The following NRXN3 variants were observed in gnomAD, a reference collection of about 807,000 sequenced individuals.
NRXN3 encodes neurexin 3.
NRXN3 carries 32 observed loss-of-function variants against 137.6 expected under a neutral mutation model. The ratio of observed to expected loss-of-function variants is 0.23; its 90% CI spans 0.18 to 0.31. The LOEUF (loss-of-function observed/expected upper bound fraction) is 0.31, where lower values mean the gene tolerates loss of function less well. Among genes scored for constraint, NRXN3 ranks in the 10% least tolerant of loss-of-function variants. The pLI is 1.00. For synonymous variants in NRXN3, 798 were observed against 784.5 expected (o/e 1.02, Z -0.29); for missense variants, 1,574 against 2,062.5 (o/e 0.76, Z 4.59).
intron 4 of NRXN3, among the ~76,000 whole-genome samples, chr14:78,619,659 G>T (rs1215398087): frequency 6.6e-6 from 1 of 151,912 alleles, no homozygotes; most frequent in Non-Finnish European, 1.5e-5. Context: ...TGCCCTCTTT[G>T]CTTGGCATTT....
At chr14:79,510,412 G>A (rs984508930) in intron 16 of NRXN3, among the ~76,000 whole-genome samples, 3 of 152,150 alleles carry the variant, frequency 2.0e-5, no homozygotes, top group African/African-American at 4.8e-5. Context: ...AGAAAATTAA[G>A]CACAGTTAGG....
At chr14:79,592,700 A>C (rs375351912) in intron 16 of NRXN3, among the ~76,000 whole-genome samples, 3 of 152,220 alleles carry the variant, frequency 2.0e-5, no homozygotes, top group African/African-American at 7.2e-5. Flanking sequence ...TTAAGTAAAG[A>C]AAAACAATTT....
At chr14:78,856,908 AT>A (rs1301756156) in intron 10 of NRXN3, among the ~76,000 whole-genome samples, 1 of 151,856 alleles carries the variant, frequency 6.6e-6, no homozygotes, top group Non-Finnish European at 1.5e-5. Context: ...TAATTTTTGT[AT>A]TTTTGTAGAA....
chr14:79,428,349 AAAT>A (rs1330124829), intron 15 of NRXN3, among the ~76,000 whole-genome samples: 2 of 151,994 alleles, frequency 1.3e-5, no homozygotes, highest in African/African-American at 4.8e-5. Flanking sequence ...TTAATTAAAA[AAAT>A]AATATTATCT....
intron 1 of NRXN3, among the ~76,000 whole-genome samples, chr14:78,215,937 T>C (rs2063229092): frequency 6.6e-6 from 1 of 152,204 alleles, no homozygotes; most frequent in Non-Finnish European, 1.5e-5. Flanking sequence ...AAACTCAGCC[T>C]CAGCAGTGAT....
At chr14:79,202,904 G>A (rs889267098) in intron 15 of NRXN3, among the ~76,000 whole-genome samples, 2 of 152,102 alleles carry the variant, frequency 1.3e-5, no homozygotes, top group Non-Finnish European at 2.9e-5. Context: ...CCCAGTAGTG[G>A]CATTGCTGGG....
At chr14:78,642,533 A>G (rs2097646166) in intron 4 of NRXN3, among the ~76,000 whole-genome samples, 1 of 152,230 alleles carries the variant, frequency 6.6e-6, no homozygotes, top group African/African-American at 2.4e-5. Flanking sequence ...CAGTGGGCAC[A>G]CAAGGTATAA....
chr14:78,234,831 A>G (rs115119171), intron 1 of NRXN3, among the ~76,000 whole-genome samples: 1 of 151,838 alleles, frequency 6.6e-6, no homozygotes, highest in Non-Finnish European at 1.5e-5. Context: ...CTTTTCATTC[A>G]CTATCTTTCA....
intron 16 of NRXN3, among the ~76,000 whole-genome samples, chr14:79,549,719 T>A (rs1312321975): frequency 6.6e-6 from 1 of 152,130 alleles, no homozygotes; most frequent in Non-Finnish European, 1.5e-5. Flanking sequence ...CAGCATTTAC[T>A]GTTGCCTTCA....
At chr14:78,375,210 T>C (rs1358106169) in intron 4 of NRXN3, among the ~76,000 whole-genome samples, 1 of 152,228 alleles carries the variant, frequency 6.6e-6, no homozygotes, top group Non-Finnish European at 1.5e-5. Flanking sequence ...CTTTCGCTGT[T>C]AAAGTGTTTC....
intron 19 of NRXN3, among the ~76,000 whole-genome samples, chr14:79,751,769 T>C (rs1174644372): frequency 6.6e-6 from 1 of 151,264 alleles, no homozygotes; most frequent in Non-Finnish European, 1.5e-5. Flanking sequence ...TTATTGAGAG[T>C]TTTTAGCATG....
intron 19 of NRXN3, among the ~76,000 whole-genome samples, chr14:79,777,760 A>T (rs1177382841): frequency 1.3e-5 from 2 of 151,780 alleles, no homozygotes; most frequent in African/African-American, 4.8e-5. Flanking sequence ...CTACTCCATT[A>T]GTATAGCAAA....
intron 15 of NRXN3, among the ~76,000 whole-genome samples, chr14:79,013,639 T>C (rs2099574715): frequency 1.3e-5 from 2 of 152,172 alleles, no homozygotes; most frequent in African/African-American, 4.8e-5. Flanking sequence ...CCTTTAATAA[T>C]TCAGGTAATT....
chr14:78,645,546 C>T (rs576486245), intron 5 of NRXN3, 125 bp downstream of exon 5: 13 of 705,172 alleles, frequency 1.8e-5, no homozygotes, highest in Non-Finnish European at 2.6e-5. Context: ...ATGTTAACGT[C>T]TAACTTTCTC....
chr14:79,065,136 C>T (rs1388783914), intron 15 of NRXN3, among the ~76,000 whole-genome samples: 1 of 151,656 alleles, frequency 6.6e-6, no homozygotes, highest in Non-Finnish European at 1.5e-5. Context: ...GTAGTTTATT[C>T]AGTTACTTAC....
chr14:79,735,387 G>T (rs188566013), intron 19 of NRXN3, among the ~76,000 whole-genome samples: 3 of 152,180 alleles, frequency 2.0e-5, no homozygotes, highest in Non-Finnish European at 4.4e-5. Flanking sequence ...AAATATTTTG[G>T]AAGCAAGTCA....
At chr14:78,761,962 G>T (rs538058485) in intron 8 of NRXN3, among the ~76,000 whole-genome samples, 4 of 152,224 alleles carry the variant, frequency 2.6e-5, no homozygotes, top group Middle Eastern at 3.4e-3. Context: ...ATCAAGCAGG[G>T]TGTTATTATC....
chr14:78,763,691 C>T (rs1008857682), intron 8 of NRXN3, among the ~76,000 whole-genome samples: 5 of 151,998 alleles, frequency 3.3e-5, no homozygotes, highest in South Asian at 2.1e-4. Flanking sequence ...CAGAAACATA[C>T]GGAGATTGTA....
intron 10 of NRXN3, among the ~76,000 whole-genome samples, chr14:78,894,154 A>C (rs1244705991): frequency 6.6e-6 from 1 of 151,926 alleles, no homozygotes; most frequent in African/African-American, 2.4e-5. Context: ...AGTTTGCTTT[A>C]TCAATTAACT....
Sources: gnomAD v4.1 joint callset for allele counts (sites outside exome capture counted in the v4.1 genomes callset) on GRCh38, gnomAD v4.1.1 for gene constraint, MANE v1.5 for transcripts, NCBI Gene and HGNC (gene_info 2026-07-23, HGNC 2026-07-21) for gene names.